Variants in KLRB1 observed in about 807,000 individuals in gnomAD.
KLRB1 encodes the protein killer cell lectin like receptor B1.
Under a neutral mutation model 33.5 loss-of-function variants are expected in KLRB1, and 27 were observed. The ratio of observed to expected loss-of-function variants is 0.81; its 90% CI spans 0.59 to 1.11. KLRB1 has a LOEUF of 1.11. Among genes scored for constraint, KLRB1 ranks in the 50% most tolerant of loss-of-function variants. The probability of loss-of-function intolerance (pLI) is 0.00; values close to 1 mark genes in which losing one functional copy is unlikely to be tolerated. For missense variants in KLRB1, 241 were observed against 254.1 expected, an observed-to-expected ratio of 0.95 and a Z score of 0.35; for synonymous variants, 64 against 88.9, an observed-to-expected ratio of 0.72 and a Z score of 1.58.
At chr12:9,603,454 G>A (rs900747594) in intron 1 of KLRB1, among the ~76,000 whole-genome samples, 2 of 149,138 alleles carry the variant, frequency 1.3e-5, no homozygotes, top group Admixed American at 1.4e-4. Flanking sequence ...TTTTTGAGAC[G>A]GAGTTTCACT....
Position 9,595,123 on chromosome 12 carries a change from A to G in KLRB1, c.*151T>C. 5 of 632,482 alleles carry G rather than the reference A, an allele frequency of 7.9e-6. No homozygotes were observed. The highest frequency in any genetic ancestry group is 1.4e-5 in the Non-Finnish European group (5 of 360,572). 39.2% of individuals were successfully genotyped at this position (632,482 alleles called of 1,614,324 possible). A position where few individuals can be genotyped will look rare whatever the true frequency, so the allele number is the denominator to read the frequency against. On this transcript the variant is annotated 3_prime_UTR_variant, in exon 6 of 6. Transcript: ENST00000229402. ...AATAGAATGAATATGATAAACATGA[A>G]CTTCTGTAAGATTCATAACAGTTGT...
At chr12:9,597,766 C>T (rs192023963) in intron 5 of KLRB1, among the ~76,000 whole-genome samples, 90 of 152,272 alleles carry the variant, frequency 5.9e-4, no homozygotes, top group Middle Eastern at 3.4e-3. Flanking sequence ...CAGATAATCA[C>T]TATTTTTAAT....
At chr12:9,607,355 C>CTTCCTTCCTTT (rs1555097796) in intron 1 of KLRB1, among the ~76,000 whole-genome samples, 8 of 52,772 alleles carry the variant, frequency 1.5e-4, no homozygotes, top group South Asian at 2.2e-3. Flanking sequence ...TTTCTTTCTT[C>CTTCCTTCCTTT]CTTTCTTTCT....
chr12:9,605,901 A>G (rs1274289927), intron 1 of KLRB1, among the ~76,000 whole-genome samples: 1 of 152,194 alleles, frequency 6.6e-6, no homozygotes, highest in African/African-American at 2.4e-5. Context: ...GTTTGGGATC[A>G]TAGCAACATT....
intron 2 of KLRB1, among the ~76,000 whole-genome samples, chr12:9,600,360 G>C (rs1864527515): frequency 6.6e-6 from 1 of 152,072 alleles, no homozygotes; most frequent in Non-Finnish European, 1.5e-5. Flanking sequence ...AATATGAAAG[G>C]CTGGTATCCA....
intron 1 of KLRB1, among the ~76,000 whole-genome samples, chr12:9,605,548 T>C (rs1864590170): frequency 6.6e-6 from 1 of 152,248 alleles, no homozygotes; most frequent in Non-Finnish European, 1.5e-5. Context: ...ATGAATAAAC[T>C]CTAGGGGCAT....
chr12:9,597,992 G>A (rs1191724301), intron 5 of KLRB1, 54 bp downstream of exon 5: 1 of 803,706 alleles, frequency 1.2e-6, no homozygotes, highest in Admixed American at 2.9e-5. Flanking sequence ...TTACTACCTT[G>A]CAGTGTAAAC....
At chr12:9,606,758 A>ATTTTT (rs1285915836) in intron 1 of KLRB1, among the ~76,000 whole-genome samples, 5 of 65,898 alleles carry the variant, frequency 7.6e-5, no homozygotes, top group African/African-American at 9.2e-5. Flanking sequence ...ATATATATAT[A>ATTTTT]TATTTTTTTT....
intron 1 of KLRB1, among the ~76,000 whole-genome samples, chr12:9,602,512 T>C (rs1864556901): frequency 6.6e-6 from 1 of 152,144 alleles, no homozygotes; most frequent in South Asian, 2.1e-4. Flanking sequence ...TCTGGTAGTA[T>C]ATTGCTCAGT....
intron 1 of KLRB1, among the ~76,000 whole-genome samples, chr12:9,604,558 C>T (rs10844160): frequency 0.27 from 41,493 of 151,972 alleles, 6,430 homozygotes; most frequent in South Asian, 0.47. Flanking sequence ...TCCTACAATA[C>T]CACAGGCGTG....
At chr12:9,602,768 T>TG (rs1864559084) in intron 1 of KLRB1, among the ~76,000 whole-genome samples, 1 of 152,174 alleles carries the variant, frequency 6.6e-6, no homozygotes, top group Non-Finnish European at 1.5e-5. Flanking sequence ...AGTGATTACT[T>TG]GCTATGAGTT....
chr12:9,607,473 G>T (rs957623695), intron 1 of KLRB1, among the ~76,000 whole-genome samples: 2 of 149,194 alleles, frequency 1.3e-5, no homozygotes, highest in Admixed American at 6.8e-5. Context: ...TAGGCAGTGT[G>T]CCCAGGGTAG....
At chr12:9,599,886 G>A (rs568000720) in intron 2 of KLRB1, 45 bp from the exon 3 acceptor site, 28 of 1,029,086 alleles carry the variant, frequency 2.7e-5, no homozygotes, top group African/African-American at 4.7e-5. Context: ...TGAAATGTGT[G>A]GTGGAGTGGA....
In KLRB1 at chr12:9,595,315, C is replaced by CT; in HGVS notation, c.636dup (p.Glu213ArgfsTer8). The CT allele has an allele frequency of 6.2e-7, 1 of 1,613,474 alleles. No homozygotes were observed. The highest frequency in any genetic ancestry group is 8.5e-7 in the Non-Finnish European group (1 of 1,179,600). ...ACTTTATTTCTCACAGGTGTTAGTT[C>CT]TTTTTGGCAGATCCATCTGATTTCT... On this transcript the variant is annotated frameshift_variant, in exon 6 of 6. Coordinates refer to ENST00000229402, the MANE Select transcript of KLRB1 (RefSeq NM_002258.3). LOFTEE classifies it high-confidence loss of function.
intron 1 of KLRB1, among the ~76,000 whole-genome samples, chr12:9,605,139 C>T (rs140548194): frequency 2.8e-4 from 42 of 152,170 alleles, no homozygotes; most frequent in African/African-American, 9.9e-4. Flanking sequence ...TTTCCAGCCT[C>T]ATCCATGTCC....
intron 5 of KLRB1, among the ~76,000 whole-genome samples, chr12:9,597,026 A>G (rs1169579579): frequency 6.6e-6 from 1 of 152,168 alleles, no homozygotes; most frequent in African/African-American, 2.4e-5. Flanking sequence ...CTTACACTTT[A>G]TAAAATATTT....
chr12:9,600,890 T>G (rs28480471), intron 2 of KLRB1, among the ~76,000 whole-genome samples: 1 of 151,434 alleles, frequency 6.6e-6, no homozygotes, highest in Non-Finnish European at 1.5e-5. Context: ...CCCGTAAAGG[T>G]TCTGTGCTGA....
Position 9,598,636 on chromosome 12 carries a change from T to G in KLRB1, c.277A>C (p.Asn93His). 2 of 1,611,798 alleles carry G rather than the reference T, an allele frequency of 1.2e-6. No individual in the cohort carries two copies. The highest frequency in any genetic ancestry group is 1.1e-5 in the South Asian group (1 of 90,844). The change falls in exon 4 of 6, where the codon AAC (asparagine) becomes CAC (histidine). Residue 93 changes from asparagine to histidine, a missense_variant. Coordinates refer to ENST00000229402, the MANE Select transcript of KLRB1 (RefSeq NM_002258.3). ...AGTTGCTGCCAATATATTGGGCAGT[T>G]TAAGAGACCCGGTCTCTCTAAAGTA... ...NKTTERPGLL[N>H]CPIYWQQLRE... is the part of the protein sequence containing the mutation.
At position 9,601,509 on chromosome 12, in the gene KLRB1, C is replaced by G; in HGVS notation, c.176G>C (p.Ser59Thr). 1.2e-6 allele frequency: 2 copies of G among 1,611,610 alleles called. No homozygotes were observed. The highest frequency in any genetic ancestry group is 1.7e-6 in the Non-Finnish European group (2 of 1,177,756). ...ILLVLVVTGL[S>T]VSVTSLIQKS... ...GATGGTGCCCCACTTACCTGAAACA[C>G]TCAACCCAGTAACAACCAAGACAAG... The change falls in exon 2 of 6, where the codon AGT (serine) becomes ACT (threonine). Residue 59 changes from serine to threonine, a missense_variant. Ser to Thr is a moderately conservative substitution (Grantham distance 58, BLOSUM62 1). Transcript: ENST00000229402.
Sources: gnomAD v4.1 joint callset for allele counts (sites outside exome capture counted in the v4.1 genomes callset) on GRCh38, gnomAD v4.1.1 for gene constraint, MANE v1.5 for transcripts, NCBI Gene and HGNC (gene_info 2026-07-23, HGNC 2026-07-21) for gene names.